Variants in ATP11A observed in about 807,000 individuals in gnomAD.
ATP11A encodes ATPase phospholipid transporting 11A.
A neutral mutation model predicts 154.4 loss-of-function variants in ATP11A; 81 were observed. That is an observed-to-expected ratio of 0.52 (90% CI 0.44 to 0.63). The LOEUF is 0.63. ATP11A is among the 30% of genes least tolerant of loss of function. The pLI is 0.00. For synonymous variants in ATP11A, 623 were observed against 585.9 expected (o/e 1.06, Z -0.91); for missense variants, 1,316 against 1,474.3 (o/e 0.89, Z 1.76).
At chr13:112,850,667 T>TA (rs36077773) in intron 17 of ATP11A, among the ~76,000 whole-genome samples, 388 of 147,888 alleles carry the variant, frequency 2.6e-3, no homozygotes, top group South Asian at 9.9e-3. Context: ...TGATTATCCT[T>TA]AAAAAAAAAA....
Position 112,859,507 on chromosome 13 carries a change from A to G in ATP11A, c.2727+55A>G. 6.9e-7 allele frequency: 1 copy of G among 1,449,846 alleles called. No homozygotes were observed. The highest frequency in any genetic ancestry group is 9.7e-7 in the Non-Finnish European group (1 of 1,034,262). The allele number at this position is 1,449,846 out of a possible 1,614,324, so 89.8% of individuals were successfully genotyped here. A position where few individuals can be genotyped will look rare whatever the true frequency, so the allele number is the denominator to read the frequency against. On this transcript the variant is annotated intron_variant, in intron 23 of 29. Coordinates refer to ENST00000375645, the MANE Select transcript of ATP11A (RefSeq NM_015205.3). This position sits in a 1 kb window ranked among gnomAD's most constrained non-coding sequence, Gnocchi z 4.3. ...GTCTGAGCCTTCTTTTCCTTCCCGC[A>G]GTGGGTGGCTGCTGTGGGGAGGGGA...
intron 23 of ATP11A, 102 bp from the exon 24 acceptor site, chr13:112,860,185 G>A: frequency 7.4e-7 from 1 of 1,343,304 alleles, no homozygotes; most frequent in South Asian, 1.4e-5. Context: ...AAGCGCTCTG[G>A]TCTTTCTATG....
intron 25 of ATP11A, among the ~76,000 whole-genome samples, chr13:112,865,550 T>C (rs950704344): frequency 2.6e-5 from 4 of 152,350 alleles, no homozygotes; most frequent in Admixed American, 2.0e-4. Context: ...TTTTTTTTGT[T>C]TTTTTGTTGT....
chr13:112,703,747 A>G (rs1270862067), intron 1 of ATP11A, among the ~76,000 whole-genome samples: 11 of 151,392 alleles, frequency 7.3e-5, no homozygotes, highest in African/African-American at 1.9e-4. Context: ...TTTTTTTCCC[A>G]CTGGAGAAAG....
chr13:112,718,751 A>G (rs975848856), intron 1 of ATP11A, among the ~76,000 whole-genome samples: 1 of 150,708 alleles, frequency 6.6e-6, no homozygotes, highest in South Asian at 2.1e-4. Context: ...GCTCACTGCA[A>G]CCTCCGCCTC....
At chr13:112,766,457 C>G (rs932423942) in intron 1 of ATP11A, among the ~76,000 whole-genome samples, 1 of 152,162 alleles carries the variant, frequency 6.6e-6, no homozygotes, top group South Asian at 2.1e-4. Flanking sequence ...TCCTGGGACC[C>G]TCTCTTTCCC....
At chr13:112,822,693 A>G (rs1373917368) in intron 8 of ATP11A, among the ~76,000 whole-genome samples, 2 of 151,094 alleles carry the variant, frequency 1.3e-5, no homozygotes, top group African/African-American at 2.4e-5. Context: ...CAAGGCTGCA[A>G]TGAGCTATGA....
chr13:112,869,688 C>T (rs773280379), intron 25 of ATP11A, among the ~76,000 whole-genome samples: 7 of 152,314 alleles, frequency 4.6e-5, no homozygotes, highest in South Asian at 4.1e-4. Flanking sequence ...GGTGCAAAGC[C>T]GCCCTCAGCT....
intron 13 of ATP11A, among the ~76,000 whole-genome samples, chr13:112,831,750 A>G (rs2079091671): frequency 6.6e-6 from 1 of 152,254 alleles, no homozygotes; most frequent in Non-Finnish European, 1.5e-5. Context: ...AGAATTGGTT[A>G]TGAAAACCAT....
intron 5 of ATP11A, among the ~76,000 whole-genome samples, chr13:112,814,133 G>T (rs1018062801): frequency 6.6e-6 from 1 of 151,526 alleles, no homozygotes; most frequent in African/African-American, 2.4e-5. Context: ...GCGCAATCTC[G>T]GCTCACTGCC....
intron 1 of ATP11A, among the ~76,000 whole-genome samples, chr13:112,728,694 C>T (rs1166532940): frequency 6.6e-6 from 1 of 151,854 alleles, no homozygotes; most frequent in Non-Finnish European, 1.5e-5. Context: ...CTGCGGCCCG[C>T]CTCCCTGTGT....
chr13:112,823,181 G>A (rs2078844755), intron 8 of ATP11A, among the ~76,000 whole-genome samples, 164 bp from the exon 9 acceptor site: 1 of 152,204 alleles, frequency 6.6e-6, no homozygotes. Flanking sequence ...ACATGGACCT[G>A]GGCTGACTTA....
At chr13:112,834,149 C>T (rs148441099) in intron 14 of ATP11A, among the ~76,000 whole-genome samples, 2 of 152,254 alleles carry the variant, frequency 1.3e-5, no homozygotes, top group African/African-American at 4.8e-5. Context: ...GCTGGACCTT[C>T]GTTCCCCGTC....
chr13:112,696,333 G>A lies in ATP11A; in HGVS notation c.39+5878G>A, dbSNP rs1885798758. On this transcript the variant is annotated intron_variant, in intron 1 of 29. Coordinates refer to ENST00000375645, the MANE Select transcript of ATP11A (RefSeq NM_015205.3). The surrounding 1 kb of genome is among the most constrained non-coding windows in gnomAD (Gnocchi z 6.2). ...TTCTCCCCGCACTCCTCTTCACGTG[G>A]AGAGTGGGTGACCTTGCCCTGCTCT... Among the ~76,000 whole-genome samples, 1 of 152,176 alleles carries A rather than the reference G, an allele frequency of 6.6e-6. No individual in the cohort carries two copies. Among genetic ancestry groups the A allele is most frequent in the Admixed American group, 6.5e-5 (1 of 15,286 alleles).
At chr13:112,693,286 A>T (rs147092201) in intron 1 of ATP11A, among the ~76,000 whole-genome samples, 174 of 152,114 alleles carry the variant, frequency 1.1e-3, no homozygotes, top group African/African-American at 4.0e-3. Flanking sequence ...GCTTGTGCTT[A>T]TGGGGTAGTG....
chr13:112,840,922 G>A (rs2079396206), intron 16 of ATP11A, among the ~76,000 whole-genome samples: 1 of 152,180 alleles, frequency 6.6e-6, no homozygotes, highest in Admixed American at 6.5e-5. Flanking sequence ...CTCTGGATTT[G>A]GTCCCCAGTA....
chr13:112,808,339 G>A (rs1192988924), intron 4 of ATP11A, among the ~76,000 whole-genome samples: 2 of 151,948 alleles, frequency 1.3e-5, no homozygotes, highest in African/African-American at 2.4e-5. Context: ...GCAGTTCTGG[G>A]CCCCATCACC....
chr13:112,808,144 A>G (rs2078375720), intron 4 of ATP11A, among the ~76,000 whole-genome samples: 1 of 152,056 alleles, frequency 6.6e-6, no homozygotes, highest in Admixed American at 6.5e-5. Context: ...TACACTGTGC[A>G]GACCACGGCC....
intron 1 of ATP11A, among the ~76,000 whole-genome samples, chr13:112,714,365 G>A (rs976455072): frequency 3.3e-5 from 5 of 152,252 alleles, no homozygotes; most frequent in African/African-American, 1.2e-4. Context: ...GGGAACCCAC[G>A]TCTCTGCAGG....
Sources: allele counts gnomAD v4.1 joint callset (sites outside exome capture counted in the v4.1 genomes callset), GRCh38; gene constraint gnomAD v4.1.1; non-coding constraint Gnocchi (gnomAD v3.1); transcripts MANE v1.5; gene names NCBI Gene and HGNC (gene_info 2026-07-23, HGNC 2026-07-21).